SNCAIP: variants seen among roughly 807,000 people sequenced by gnomAD.
SNCAIP encodes the protein synphilin-1.
SNCAIP carries 43 observed loss-of-function variants against 86.7 expected under a neutral mutation model. The ratio of observed to expected loss-of-function variants is 0.50; its 90% CI spans 0.39 to 0.64. The LOEUF (loss-of-function observed/expected upper bound fraction) is 0.64, where lower values mean the gene tolerates loss of function less well. Among genes scored for constraint, SNCAIP ranks in the 30% least tolerant of loss-of-function variants. The pLI is 0.00. For synonymous variants in SNCAIP, 417 were observed against 427.2 expected (o/e 0.98, Z 0.29); for missense variants, 981 against 1,103.1 (o/e 0.89, Z 1.57).
At chr5:122,460,854 A>C (rs1458790764) in intron 10 of SNCAIP, among the ~76,000 whole-genome samples, 1 of 152,160 alleles carries the variant, frequency 6.6e-6, no homozygotes, top group Non-Finnish European at 1.5e-5. Context: ...CTGTTCATGG[A>C]GACCCCTCCT....
intron 2 of SNCAIP, chr5:122,401,145 A>G: frequency 6.5e-7 from 1 of 1,546,776 alleles, no homozygotes; most frequent in South Asian, 1.2e-5. Flanking sequence ...GCGAACTGAC[A>G]GTTACTTATA....
chr5:122,340,203 CT>C (rs1757287015), intron 1 of SNCAIP, among the ~76,000 whole-genome samples: 2 of 151,758 alleles, frequency 1.3e-5, no homozygotes, highest in Non-Finnish European at 2.9e-5. Context: ...GTTGAGTTTC[CT>C]TTTGTTTGTT....
chr5:122,348,887 A>G (rs945284923), intron 1 of SNCAIP, among the ~76,000 whole-genome samples: 1 of 152,204 alleles, frequency 6.6e-6, no homozygotes, highest in East Asian at 1.9e-4. Context: ...CAAAAAAAAT[A>G]CGTCCTGAAA....
intron 1 of SNCAIP, among the ~76,000 whole-genome samples, chr5:122,362,605 G>A (rs1391547373): frequency 1.3e-5 from 2 of 152,302 alleles, no homozygotes; most frequent in East Asian, 3.9e-4. Flanking sequence ...AGAACTCATA[G>A]GAATGCTAGT....
At chr5:122,323,525 A>G (rs2152677856) in intron 1 of SNCAIP, among the ~76,000 whole-genome samples, 1 of 152,310 alleles carries the variant, frequency 6.6e-6, no homozygotes, top group Non-Finnish European at 1.5e-5. Context: ...TGTGCATTCA[A>G]AGCTTTTGTT....
At chr5:122,316,543 G>A (rs1751768599) in intron 1 of SNCAIP, among the ~76,000 whole-genome samples, 1 of 152,180 alleles carries the variant, frequency 6.6e-6, no homozygotes, top group African/African-American at 2.4e-5. Context: ...GGAAGCAAGA[G>A]GTAAGAAGGC....
In SNCAIP at chr5:122,318,212, A is replaced by G. The variant is rs146479313; in HGVS notation, c.-47+5928A>G. 2.5e-3 allele frequency among the ~76,000 whole-genome samples: 378 copies of G among 152,028 alleles called. 3 individuals are homozygous for G. Among genetic ancestry groups the G allele is most frequent in the African/African-American group, 8.8e-3 (363 of 41,478 alleles). ...TCCCCATGCTTAAATGCTTCATTGC[A>G]TGTGCTTTTACATGGGCTGTTGTCT... On this transcript the variant is annotated intron_variant, in intron 1 of 10. Coordinates refer to ENST00000261368, the MANE Select transcript of SNCAIP (RefSeq NM_005460.4).
intron 7 of SNCAIP, 70 bp downstream of exon 7, chr5:122,440,824 G>A (rs2152970759): frequency 1.5e-6 from 2 of 1,378,354 alleles, no homozygotes. Context: ...TTAAAATTAT[G>A]TTCACTAGGA....
Position 122,422,896 on chromosome 5 carries a change from C to T in SNCAIP, c.159C>T (p.Ile53=), listed in dbSNP as rs2152925337. 6.2e-7 allele frequency: 1 copy of T among 1,614,024 alleles called. No individual in the cohort carries two copies. Among genetic ancestry groups the T allele is most frequent in the East Asian group, 2.2e-5 (1 of 44,880 alleles). The stretch of plus-strand genomic sequence containing the variant: ...CTAGCTCTAGCTGGAATTGTGGCAT[C>T]TCAACTCTTATTACAAACACGCAAA... ...SVSSSSWNCG[I]STLITNTQKP... Residue 53 remains isoleucine, a synonymous_variant, in exon 4 of 11, where the codon ATC becomes ATT. Transcript: ENST00000261368.
At chr5:122,447,359 C>T (rs1782544195) in intron 8 of SNCAIP, among the ~76,000 whole-genome samples, 1 of 152,174 alleles carries the variant, frequency 6.6e-6, no homozygotes, top group Admixed American at 6.5e-5. Context: ...AATACAGTGG[C>T]CATCTGCCCA....
At chr5:122,407,512 T>A (rs1281562366) in intron 3 of SNCAIP, among the ~76,000 whole-genome samples, 1 of 152,154 alleles carries the variant, frequency 6.6e-6, no homozygotes, top group Admixed American at 6.5e-5. Flanking sequence ...TAAAATCTTA[T>A]GACCTGGAAA....
intron 1 of SNCAIP, among the ~76,000 whole-genome samples, chr5:122,356,427 TTTTAAAGGATCATTACTCAG>T: frequency 6.6e-6 from 1 of 152,200 alleles, no homozygotes; most frequent in East Asian, 1.9e-4. Flanking sequence ...TTAGCTTCCT[TTTTAAAGGATCATTACTCAG>T]TTTATATAAA....
At chr5:122,386,421 TA>T (rs1335168592) in intron 1 of SNCAIP, among the ~76,000 whole-genome samples, 2 of 152,214 alleles carry the variant, frequency 1.3e-5, no homozygotes, top group African/African-American at 4.8e-5. Flanking sequence ...ATAGACCCAT[TA>T]GGGGCATAAG....
intron 1 of SNCAIP, among the ~76,000 whole-genome samples, chr5:122,380,764 G>T (rs866178996): frequency 0.023 from 3,484 of 151,648 alleles, 125 homozygotes; most frequent in African/African-American, 0.08. Context: ...TGGTTTCAAA[G>T]AACATCTTTA....
At chr5:122,431,921 AC>A (rs1253268541) in intron 5 of SNCAIP, 47 bp from the exon 6 acceptor site, 1 of 919,792 alleles carries the variant, frequency 1.1e-6, no homozygotes, top group South Asian at 1.3e-5. Context: ...TATTTTTCAA[AC>A]CTGAGTTACC....
intron 1 of SNCAIP, among the ~76,000 whole-genome samples, chr5:122,385,157 C>T (rs944961602): frequency 7.2e-5 from 11 of 152,178 alleles, no homozygotes; most frequent in African/African-American, 1.9e-4. Flanking sequence ...TTTGTCCTGG[C>T]GAGCATCACA....
intron 1 of SNCAIP, among the ~76,000 whole-genome samples, chr5:122,382,223 T>A (rs970403471): frequency 7.2e-5 from 11 of 152,194 alleles, no homozygotes; most frequent in Non-Finnish European, 1.6e-4. Flanking sequence ...CCATATTTCT[T>A]GGAGGCTTTG....
At chr5:122,322,907 G>A (rs1208701173) in intron 1 of SNCAIP, among the ~76,000 whole-genome samples, 1 of 152,146 alleles carries the variant, frequency 6.6e-6, no homozygotes, top group Non-Finnish European at 1.5e-5. Context: ...TCTTAAAAAA[G>A]AATTCGTGCC....
Position 122,361,123 on chromosome 5 carries a change from A to T in SNCAIP, c.-46-29966A>T, listed in dbSNP as rs190912849. Among the ~76,000 whole-genome samples, 668 of 151,560 alleles carry T rather than the reference A, an allele frequency of 4.4e-3. 3 individuals carry two copies. Among genetic ancestry groups the T allele is most frequent in the Non-Finnish European group, 7.2e-3 (492 of 67,970 alleles). On this transcript the variant is annotated intron_variant, in intron 1 of 10. Coordinates refer to ENST00000261368, the MANE Select transcript of SNCAIP (RefSeq NM_005460.4). ...AAATTTTACATTCATATTACATTAC[A>T]TCCTTTATTTTGTGTTTGAATTTAC...
Sources: allele counts gnomAD v4.1 joint callset (sites outside exome capture counted in the v4.1 genomes callset), GRCh38; gene constraint gnomAD v4.1.1; transcripts MANE v1.5; gene names NCBI Gene and HGNC (gene_info 2026-07-23, HGNC 2026-07-21).